MAF: variants seen among roughly 807,000 people sequenced by gnomAD.
The protein encoded by MAF is transcription factor Maf.
A neutral mutation model predicts 22.0 loss-of-function variants in MAF; 10 were observed. The ratio of observed to expected loss-of-function variants is 0.45; its 90% CI spans 0.28 to 0.77. MAF has a LOEUF of 0.77. Ranked by LOEUF, MAF falls within the 30% of genes least tolerant of loss-of-function variation. The probability of loss-of-function intolerance (pLI) is 0.12; values close to 1 mark genes in which losing one functional copy is unlikely to be tolerated. For synonymous variants in MAF, 337 were observed against 255.8 expected, an observed-to-expected ratio of 1.32 and a Z score of -3.03; for missense variants, 544 against 548.4, an observed-to-expected ratio of 0.99 and a Z score of 0.08.
the MAF span, among the ~76,000 whole-genome samples, chr16:79,256,337 C>T: frequency 3.3e-5 from 5 of 151,948 alleles, no homozygotes; most frequent in South Asian, 2.1e-4. Flanking sequence ...AGGGATAAAT[C>T]GAGCAGGTAG....
At chr16:79,395,260 G>T in the MAF span, among the ~76,000 whole-genome samples, 1 of 152,144 alleles carries the variant, frequency 6.6e-6, no homozygotes, top group Non-Finnish European at 1.5e-5. Flanking sequence ...ATATTCTGAG[G>T]GCAACAGAAA....
chr16:79,430,750 C>A, the MAF span, among the ~76,000 whole-genome samples: 10 of 152,230 alleles, frequency 6.6e-5, 1 homozygote, highest in African/African-American at 2.4e-4. Flanking sequence ...AAAGCCCAGT[C>A]CTTCTCCATC....
At chr16:79,344,909 G>A in the MAF span, among the ~76,000 whole-genome samples, 1 of 152,096 alleles carries the variant, frequency 6.6e-6, no homozygotes, top group African/African-American at 2.4e-5. Flanking sequence ...TTAAACAAAT[G>A]TATTCTATTC....
At chr16:79,337,783 G>A in the MAF span, among the ~76,000 whole-genome samples, 155 of 152,182 alleles carry the variant, frequency 1.0e-3, no homozygotes, top group Non-Finnish European at 1.1e-3. Context: ...AGATCCTATC[G>A]GACAGTGCTC....
the MAF span, among the ~76,000 whole-genome samples, chr16:79,373,337 A>T: frequency 8.0e-6 from 1 of 125,638 alleles, no homozygotes; most frequent in Non-Finnish European, 1.6e-5. Flanking sequence ...TTAATCAGTT[A>T]CTATGGGAGT....
At chr16:79,362,855 A>G in the MAF span, among the ~76,000 whole-genome samples, 1 of 152,262 alleles carries the variant, frequency 6.6e-6, no homozygotes, top group East Asian at 1.9e-4. Context: ...GAATAGTAAG[A>G]AAGTGTGCAT....
the MAF span, among the ~76,000 whole-genome samples, chr16:79,545,751 G>A: frequency 6.6e-6 from 1 of 152,218 alleles, no homozygotes; most frequent in East Asian, 1.9e-4. Context: ...CCAGGGGATG[G>A]GGAGTGGGGG....
the MAF span, among the ~76,000 whole-genome samples, chr16:79,285,351 C>T: frequency 6.6e-6 from 1 of 152,194 alleles, no homozygotes; most frequent in African/African-American, 2.4e-5. Context: ...TGTTTAGCCA[C>T]GAGTGGCCTT....
chr16:79,329,729 T>G, the MAF span, among the ~76,000 whole-genome samples: 1 of 152,320 alleles, frequency 6.6e-6, no homozygotes, highest in Non-Finnish European at 1.5e-5. Context: ...TAAAGCATCT[T>G]AGAAAACTGT....
chr16:79,316,794 T>C, the MAF span, among the ~76,000 whole-genome samples: 2 of 152,166 alleles, frequency 1.3e-5, no homozygotes, highest in Non-Finnish European at 2.9e-5. Flanking sequence ...CCCAAACTAA[T>C]AGGTGTTACT....
At chr16:79,346,575 G>A in the MAF span, among the ~76,000 whole-genome samples, 2 of 152,122 alleles carry the variant, frequency 1.3e-5, no homozygotes, top group Non-Finnish European at 2.9e-5. Flanking sequence ...TCAACCTCAA[G>A]GATAGAAGAA....
chr16:79,260,077 C>G, the MAF span, among the ~76,000 whole-genome samples: 3 of 152,208 alleles, frequency 2.0e-5, 1 homozygote, highest in East Asian at 1.9e-4. Flanking sequence ...GATATTTTTT[C>G]TTGCTTCCTT....
At chr16:79,521,241 T>C in the MAF span, among the ~76,000 whole-genome samples, 1 of 152,238 alleles carries the variant, frequency 6.6e-6, no homozygotes, top group Non-Finnish European at 1.5e-5. Flanking sequence ...TTTTCGTTAA[T>C]AGAATCGCAA....
At chr16:79,210,460 T>G in the MAF span, among the ~76,000 whole-genome samples, 13 of 152,244 alleles carry the variant, frequency 8.5e-5, no homozygotes, top group East Asian at 2.1e-3. Context: ...TGATAAGCTT[T>G]GGGTCGGGTC....
At chr16:79,537,080 A>G in the MAF span, among the ~76,000 whole-genome samples, 1 of 152,136 alleles carries the variant, frequency 6.6e-6, no homozygotes, top group African/African-American at 2.4e-5. Flanking sequence ...GAAGCTCACA[A>G]TGTCTGCACG....
chr16:79,268,226 C>A, the MAF span, among the ~76,000 whole-genome samples: 683 of 152,234 alleles, frequency 4.5e-3, 2 homozygotes, highest in Non-Finnish European at 7.0e-3. Context: ...CTCTCCCCCA[C>A]AAACACCGGA....
the MAF span, chr16:79,212,174 T>G: frequency 6.8e-7 from 1 of 1,478,886 alleles, no homozygotes; most frequent in African/African-American, 1.5e-5. Context: ...CGGCCACCAC[T>G]GCAGCCGGGG....
At chr16:79,564,846 A>C in the MAF span, among the ~76,000 whole-genome samples, 10 of 152,290 alleles carry the variant, frequency 6.6e-5, no homozygotes, top group African/African-American at 2.4e-4. Flanking sequence ...ATTGCAGCCT[A>C]TTAACTATGT....
the MAF span, among the ~76,000 whole-genome samples, chr16:79,551,487 C>T: frequency 6.6e-6 from 1 of 152,124 alleles, no homozygotes; most frequent in East Asian, 1.9e-4. Flanking sequence ...CCAAACTGGC[C>T]CTAACAATTA....
Sources: gnomAD v4.1 joint callset for allele counts (sites outside exome capture counted in the v4.1 genomes callset) on GRCh38, gnomAD v4.1.1 for gene constraint, MANE v1.5 for transcripts, NCBI Gene and HGNC (gene_info 2026-07-23, HGNC 2026-07-21) for gene names.